PLCE1: variants seen among roughly 807,000 people sequenced by gnomAD.
PLCE1 encodes phospholipase C epsilon 1, also known as 1-phosphatidylinositol 4,5-bisphosphate phosphodiesterase epsilon-1.
In PLCE1, 119 loss-of-function variants were observed where a neutral mutation model predicts 242.8. That is an observed-to-expected ratio of 0.49 (90% CI 0.42 to 0.57). The LOEUF is 0.57. PLCE1 is among the 20% of genes least tolerant of loss of function. The probability of loss-of-function intolerance (pLI) is 0.00; values close to 1 mark genes in which losing one functional copy is unlikely to be tolerated. For synonymous variants in PLCE1, 945 were observed against 1,017.4 expected (o/e 0.93, Z 1.35); for missense variants, 2,441 against 2,788.8 (o/e 0.88, Z 2.81).
At chr10:94,124,566 AC>A (rs2046388147) in intron 2 of PLCE1, among the ~76,000 whole-genome samples, 1 of 152,194 alleles carries the variant, frequency 6.6e-6, no homozygotes, top group South Asian at 2.1e-4. Flanking sequence ...CCAGTATCAC[AC>A]AATTACACAG....
intron 5 of PLCE1, among the ~76,000 whole-genome samples, chr10:94,227,675 G>A (rs1193342515): frequency 2.0e-5 from 3 of 152,210 alleles, no homozygotes; most frequent in Non-Finnish European, 2.9e-5. Context: ...CACTGGGTCT[G>A]CTGTGATCCT....
chr10:94,332,250 T>C lies in PLCE1; in HGVS notation c.*4307T>C, dbSNP rs890095065. On this transcript the variant is annotated 3_prime_UTR_variant, in exon 33 of 33. Transcript: ENST00000371380. Reference sequence around the variant, plus strand: ...AAACAGATCTCTGAAACCTTCCCTATTGCAGATGACATAGGTCTCTAAACT... The same window carrying C: ...AAACAGATCTCTGAAACCTTCCCTACTGCAGATGACATAGGTCTCTAAACT... 2.6e-5 allele frequency: 4 copies of C among 152,200 alleles called. No homozygotes were observed. The highest frequency in any genetic ancestry group is 9.7e-5 in the African/African-American group (4 of 41,444). The allele number at this position is 152,200 out of a possible 1,614,324, so 9.4% of individuals were successfully genotyped here. A position where few individuals can be genotyped will look rare whatever the true frequency, so the allele number is the denominator to read the frequency against.
In PLCE1 at chr10:94,031,083, C is replaced by T. The variant is rs575611837; in HGVS notation, c.37C>T (p.Pro13Ser). 1.2e-6 allele frequency: 2 copies of T among 1,613,534 alleles called. No individual in the cohort carries two copies. Among genetic ancestry groups the T allele is most frequent in the African/African-American group, 1.3e-5 (1 of 75,006 alleles). ...AGAAATGACAGCTTCTGTTCTCATA[C>T]CTGTGACTCAGAGAAAAGTGGTTTC... The part of the protein sequence containing the change: ...SEEMTASVLI[P>S]VTQRKVVSAQ... The change falls in exon 2 of 33, where the codon CCT becomes TCT. Residue 13 changes from proline to serine, a missense_variant. Physicochemically the swap from Pro to Ser is moderately conservative, Grantham distance 74. Around this residue, in one of 5 missense-constraint regions of PLCE1, gnomAD observed 393 missense variants for 378.5 expected, o/e 1.04. Transcript: ENST00000371380.
rs564343783 is a variant in PLCE1 at position 94,105,566 on chromosome 10, G to A, written c.1207-26608G>A. The A allele has an allele frequency of 1.1e-4, 17 of 152,234 alleles. No individual in the cohort carries two copies. In the South Asian group the frequency reaches 3.1e-3, roughly 28 times the overall value. The allele number at this position is 152,234 out of a possible 1,614,324, so 9.4% of individuals were successfully genotyped here. ...AGACCCATTGTTCTCAAAAAGTAGT[G>A]TTGATTACCTTAATCCTTTTCTAAA... is the stretch of plus-strand genomic sequence containing the variant. On this transcript the variant is annotated intron_variant, in intron 2 of 32. Transcript: ENST00000371380.
intron 4 of PLCE1, among the ~76,000 whole-genome samples, chr10:94,203,864 A>C (rs1414099020): frequency 6.6e-6 from 1 of 152,168 alleles, no homozygotes; most frequent in Non-Finnish European, 1.5e-5. Context: ...AAGAAATATT[A>C]GTCTCTAATT....
intron 4 of PLCE1, among the ~76,000 whole-genome samples, chr10:94,205,811 C>G (rs1274590554): frequency 5.9e-5 from 9 of 152,238 alleles, no homozygotes. Context: ...GAAGTGAACT[C>G]TTCCTCCTGT....
intron 2 of PLCE1, among the ~76,000 whole-genome samples, chr10:94,128,600 T>C (rs1305768368): frequency 6.6e-6 from 1 of 152,148 alleles, no homozygotes; most frequent in Non-Finnish European, 1.5e-5. Flanking sequence ...ATACATAGCA[T>C]TTATATATGT....
chr10:94,308,559 T>C, intron 26 of PLCE1, 22 bp from the exon 27 acceptor site: 1 of 1,499,780 alleles, frequency 6.7e-7, no homozygotes, highest in South Asian at 1.1e-5. Context: ...AACAAGCTTT[T>C]CCCAATTCTG....
intron 1 of PLCE1, among the ~76,000 whole-genome samples, chr10:93,998,994 G>T (rs770672465): frequency 1.3e-5 from 2 of 152,118 alleles, no homozygotes; most frequent in Non-Finnish European, 2.9e-5. Context: ...TTCTTTCCTA[G>T]AGCCTCCAGA....
intron 32 of PLCE1, among the ~76,000 whole-genome samples, chr10:94,327,359 C>A (rs998672673): frequency 2.0e-5 from 3 of 151,940 alleles, no homozygotes; most frequent in African/African-American, 7.3e-5. Context: ...CTGTGGGAGG[C>A]CGAGGTGTGT....
chr10:94,285,906 A>G (rs2052428169), intron 22 of PLCE1, among the ~76,000 whole-genome samples: 1 of 152,200 alleles, frequency 6.6e-6, no homozygotes, highest in South Asian at 2.1e-4. Flanking sequence ...TTTTCAATTA[A>G]TGAATGGTAG....
intron 3 of PLCE1, among the ~76,000 whole-genome samples, chr10:94,167,181 C>A (rs1377270659): frequency 6.6e-6 from 1 of 152,146 alleles, no homozygotes; most frequent in Admixed American, 6.5e-5. Flanking sequence ...ATCCCAGCTA[C>A]TTGGGAGGCT....
At chr10:94,151,482 G>A (rs539242821) in intron 3 of PLCE1, among the ~76,000 whole-genome samples, 1 of 152,334 alleles carries the variant, frequency 6.6e-6, no homozygotes, top group African/African-American at 2.4e-5. Flanking sequence ...TAAAAAGAAC[G>A]TGAAAAGTTA....
At chr10:94,118,783 T>C (rs558719449) in intron 2 of PLCE1, among the ~76,000 whole-genome samples, 2 of 152,290 alleles carry the variant, frequency 1.3e-5, no homozygotes, top group African/African-American at 2.4e-5. Flanking sequence ...ACGTATGCTC[T>C]TCTACACACA....
chr10:94,004,544 A>G (rs1164290865), intron 1 of PLCE1, among the ~76,000 whole-genome samples: 1 of 152,222 alleles, frequency 6.6e-6, no homozygotes, highest in East Asian at 1.9e-4. Context: ...AGATTTAGCT[A>G]CTGCATGGGT....
chr10:94,166,205 T>G (rs765544590), intron 3 of PLCE1, among the ~76,000 whole-genome samples: 1 of 152,218 alleles, frequency 6.6e-6, no homozygotes, highest in Non-Finnish European at 1.5e-5. Context: ...TGTCCTAAAT[T>G]TTTTGTGAAA....
At position 94,270,598 on chromosome 10, in the gene PLCE1, T is replaced by G. The variant is rs1233025723; in HGVS notation, c.4502T>G (p.Phe1501Cys). The change falls in exon 18 of 33, where the codon TTC (phenylalanine) becomes TGC (cysteine). Residue 1501 changes from phenylalanine to cysteine, a missense_variant. Coordinates refer to ENST00000371380, the MANE Select transcript of PLCE1 (RefSeq NM_016341.4). ...CAGCAACGAAAAATGGCAGAAATTT[T>G]CAAGGTGAGCTCTCAACAAAAAGGC... ...LPQQRKMAEI[F>C]KTVFGEKLVT... The G allele has an allele frequency of 6.3e-7, 1 of 1,578,642 alleles. No individual in the cohort carries two copies. Among genetic ancestry groups the G allele is most frequent in the African/African-American group, 1.3e-5 (1 of 74,364 alleles).
At chr10:94,094,731 C>T (rs921437809) in intron 2 of PLCE1, 2 of 152,148 alleles carry the variant, frequency 1.3e-5, no homozygotes, top group Non-Finnish European at 2.9e-5. Flanking sequence ...CAGAGTTTCA[C>T]ACCCGGCATC....
intron 2 of PLCE1, among the ~76,000 whole-genome samples, chr10:94,042,596 C>CT (rs2061790273): frequency 6.6e-6 from 1 of 152,098 alleles, no homozygotes; most frequent in East Asian, 1.9e-4. Flanking sequence ...TCCCTGAGCT[C>CT]TTTTTTTTCT....
Sources: gnomAD v4.1 joint callset for allele counts (sites outside exome capture counted in the v4.1 genomes callset) on GRCh38, gnomAD v4.1.1 for gene constraint, gnomAD v4.1.1 regional missense constraint, MANE v1.5 for transcripts, NCBI Gene and HGNC (gene_info 2026-07-23, HGNC 2026-07-21) for gene names.